CACNA1F: variants seen among roughly 807,000 people sequenced by gnomAD.
CACNA1F encodes voltage-dependent L-type calcium channel subunit alpha-1F.
CACNA1F carries 59 observed loss-of-function variants against 143.8 expected under a neutral mutation model. The observed-to-expected ratio is 0.41, with a 90% CI of 0.33 to 0.51. CACNA1F has a LOEUF of 0.51. CACNA1F is among the 20% of genes least tolerant of loss of function. The pLI, the probability that CACNA1F is intolerant of heterozygous loss-of-function variation, is 0.22. For synonymous variants in CACNA1F, 643 were observed against 649.1 expected (o/e 0.99, Z 0.14); for missense variants, 1,411 against 1,647.5 (o/e 0.86, Z 2.48).
At chrX:49,212,580 G>T in intron 33 of CACNA1F, 87 bp downstream of exon 33, 1 of 976,897 alleles carries the variant, frequency 1.0e-6, no homozygotes, top group Non-Finnish European at 1.4e-6. Flanking sequence ...CATGTTGGGA[G>T]ATGTAGTTCT....
At chrX:49,220,066 C>T (rs1338298512) in intron 19 of CACNA1F, among the ~76,000 whole-genome samples, 4 of 111,343 alleles carry the variant, frequency 3.6e-5, no homozygotes, top group Admixed American at 9.5e-5. Flanking sequence ...GTAAACAAAA[C>T]GTGTTTCTCT....
At chrX:49,225,073 C>G in intron 13 of CACNA1F, 87 bp from the exon 14 acceptor site, 1 of 604,769 alleles carries the variant, frequency 1.7e-6, no homozygotes, top group South Asian at 2.4e-5. Flanking sequence ...GGGTGACCCA[C>G]GGTAGCTGGT....
intron 6 of CACNA1F, among the ~76,000 whole-genome samples, chrX:49,228,932 T>C (rs1157804035): frequency 9.8e-5 from 11 of 112,039 alleles, no homozygotes; most frequent in Non-Finnish European, 1.9e-4. Flanking sequence ...GAGCTCCGTA[T>C]TCTGAACCAC....
chrX:49,221,463 C>T (rs1252845735), intron 17 of CACNA1F, among the ~76,000 whole-genome samples: 1 of 110,803 alleles, frequency 9.0e-6, no homozygotes, highest in Non-Finnish European at 1.9e-5. Flanking sequence ...GGCTAGAGGG[C>T]AGTGGTGCGA....
In CACNA1F at chrX:49,226,170, G is replaced by T. The variant is rs1460908019; in HGVS notation, c.1490+47C>A. On this transcript the variant is annotated intron_variant, in intron 12 of 47. Coordinates refer to ENST00000323022, the MANE Select transcript of CACNA1F (RefSeq NM_001256789.3). ...GGTCATGAGGGCTTGGAGGTGGGGG[G>T]TTTCAAAGTTATGGAGTCAAGGATT... 3.5e-6 allele frequency: 4 copies of T among 1,151,713 alleles called. No individual in the cohort carries two copies. The Admixed American group carries it at 6.6e-5, about 19-fold the overall frequency. 94.9% of individuals were successfully genotyped at this position (1,151,713 alleles called of 1,213,427 possible).
At position 49,226,944 on chromosome X, in the gene CACNA1F, C is replaced by T. The variant is rs146199637; in HGVS notation, c.1276+26G>A. 94 of 1,209,933 alleles carry T rather than the reference C, an allele frequency of 7.8e-5. No individual in the cohort carries two copies. Among genetic ancestry groups the T allele is most frequent in the Middle Eastern group, 2.3e-4 (1 of 4,347 alleles). ...CAGATTGGAGTTGCCTACGATGGCC[C>T]GCCCGGCCCTCTTCAGCCATAGAAC... On this transcript the variant is annotated intron_variant, in intron 9 of 47. Transcript: ENST00000323022.
intron 43 of CACNA1F, among the ~76,000 whole-genome samples, chrX:49,207,591 C>T (rs1419854522): frequency 2.8e-5 from 3 of 109,083 alleles, no homozygotes; most frequent in Admixed American, 9.8e-5. Context: ...CCACCATGCT[C>T]GGCTATTTTT....
chrX:49,223,595 C>CAGA (rs1302804041), intron 14 of CACNA1F, among the ~76,000 whole-genome samples: 1 of 23,681 alleles, frequency 4.2e-5, no homozygotes, highest in Non-Finnish European at 6.1e-5. Context: ...GACTCTGTCT[C>CAGA]AAAAAAAAAA....
At chrX:49,212,924 G>A (rs1557106613) in intron 32 of CACNA1F, 50 bp downstream of exon 32, 1 of 1,185,399 alleles carries the variant, frequency 8.4e-7, no homozygotes, top group African/African-American at 1.7e-5. Flanking sequence ...TGGAGGGACA[G>A]AGGGACATGG....
At chrX:49,208,362 C>T (rs1386580898) in intron 43 of CACNA1F, among the ~76,000 whole-genome samples, 153 bp downstream of exon 43, 1 of 111,328 alleles carries the variant, frequency 9.0e-6, no homozygotes, top group Non-Finnish European at 1.9e-5. Context: ...CTTACCTGAG[C>T]CCTTGAAACA....
intron 6 of CACNA1F, 73 bp downstream of exon 6, chrX:49,230,147 C>G (rs782408917): frequency 4.1e-6 from 4 of 968,244 alleles, no homozygotes; most frequent in Non-Finnish European, 5.7e-6. Context: ...CAGTGGGTTT[C>G]CCTGAGTGCA....
intron 1 of CACNA1F, among the ~76,000 whole-genome samples, chrX:49,232,151 A>C (rs2065884959): frequency 9.0e-6 from 1 of 111,264 alleles, no homozygotes; most frequent in Admixed American, 9.6e-5. Context: ...CAAGTGAAGT[A>C]GGGTTTGGTG....
Position 49,209,397 on chromosome X carries a change from T to G in CACNA1F, c.4822-4A>C. On this transcript the variant is annotated splice_polypyrimidine_tract_variant and splice_region_variant and intron_variant, in intron 41 of 47. Transcript: ENST00000323022. Reference sequence around the variant, plus strand: ...CCTGCAGGCTCCGCAGACCAGCCTGTGGGGGTGGAGAAATAGGTAAGCAGG... The same window carrying G: ...CCTGCAGGCTCCGCAGACCAGCCTGGGGGGGTGGAGAAATAGGTAAGCAGG... The G allele has an allele frequency of 8.3e-7, 1 of 1,209,037 alleles. No homozygotes were observed. The highest frequency in any genetic ancestry group is 1.1e-6 in the Non-Finnish European group (1 of 893,685).
chrX:49,209,797 C>T (rs2065637772), intron 40 of CACNA1F, 38 bp from the exon 41 acceptor site: 2 of 1,204,155 alleles, frequency 1.7e-6, no homozygotes, highest in Non-Finnish European at 2.2e-6. Context: ...CACACAGGGG[C>T]CCTCTGACCC....
rs376118598 is a variant in CACNA1F at position 49,211,485 on chromosome X, G to T, written c.4101-4C>A. The T allele has an allele frequency of 4.0e-5, 48 of 1,203,910 alleles. No homozygotes were observed. The highest frequency in any genetic ancestry group is 5.3e-5 in the Non-Finnish European group (47 of 889,667). ...CCATGCCTCACCAGTGGCACACCTG[G>T]TGGGAGTCACACAGGGGTAGCATCC... On this transcript the variant is annotated splice_region_variant and splice_polypyrimidine_tract_variant and intron_variant, in intron 35 of 47. Coordinates refer to ENST00000323022, the MANE Select transcript of CACNA1F (RefSeq NM_001256789.3).
intron 40 of CACNA1F, 47 bp from the exon 41 acceptor site, chrX:49,209,806 C>T (rs2065637937): frequency 1.7e-6 from 2 of 1,201,665 alleles, no homozygotes; most frequent in Non-Finnish European, 2.3e-6. Flanking sequence ...GCCCTCTGAC[C>T]CAGCCCACCT....
At chrX:49,211,799 T>C in intron 35 of CACNA1F, 99 bp downstream of exon 35, 2 of 668,847 alleles carry the variant, frequency 3.0e-6, no homozygotes, top group Non-Finnish European at 4.9e-6. Flanking sequence ...TGGAGCCCCA[T>C]GCTGCCATAT....
intron 42 of CACNA1F, 182 bp downstream of exon 42, chrX:49,209,080 G>A (rs782751187): frequency 2.0e-5 from 10 of 499,119 alleles, no homozygotes; most frequent in Non-Finnish European, 3.1e-5. Flanking sequence ...TTCCACCCTG[G>A]ACTCCCAAAG....
chrX:49,205,930 G>A, intron 46 of CACNA1F, 117 bp from the exon 47 acceptor site: 1 of 633,499 alleles, frequency 1.6e-6, no homozygotes, highest in Non-Finnish European at 2.5e-6. Flanking sequence ...AATTGAATGG[G>A]TATAAGTCAG....
Sources: gnomAD v4.1 joint callset for allele counts (sites outside exome capture counted in the v4.1 genomes callset) on GRCh38, gnomAD v4.1.1 for gene constraint, MANE v1.5 for transcripts, NCBI Gene and HGNC (gene_info 2026-07-23, HGNC 2026-07-21) for gene names.